The following ASTN2 variants were observed in gnomAD, a reference collection of about 807,000 sequenced individuals.
The protein encoded by ASTN2 is astrotactin-2.
A neutral mutation model predicts 139.8 loss-of-function variants in ASTN2; 54 were observed. The observed-to-expected ratio is 0.39, with a 90% CI of 0.31 to 0.48. The LOEUF is 0.48. ASTN2 is among the 20% of genes least tolerant of loss of function. The pLI is 0.95. For missense variants in ASTN2, 1,565 were observed against 1,725.1 expected (o/e 0.91, Z 1.64); for synonymous variants, 756 against 719.5 (o/e 1.05, Z -0.81).
intron 1 of ASTN2, among the ~76,000 whole-genome samples, chr9:117,399,592 C>G (rs1830769653): frequency 1.3e-5 from 2 of 152,280 alleles, no homozygotes; most frequent in Non-Finnish European, 2.9e-5. Context: ...TCATTCATGA[C>G]AGTGATACAA....
chr9:116,893,403 C>G (rs1833810764), intron 10 of ASTN2, among the ~76,000 whole-genome samples: 1 of 152,166 alleles, frequency 6.6e-6, no homozygotes. Context: ...TGATGGGAAG[C>G]TCAGCAGGAC....
Position 116,929,934 on chromosome 9 carries a change from C to G in ASTN2, c.1889+45274G>C, listed in dbSNP as rs763727758. On this transcript the variant is annotated intron_variant, in intron 10 of 22. Coordinates refer to ENST00000313400, the MANE Select transcript of ASTN2 (RefSeq NM_001365068.1). ...TGTTAATTATTGTCAGAGTTCCACA[C>G]GACACCTGCTAATGAGGCAGTCAAT... is the stretch of plus-strand genomic sequence containing the variant. Among the ~76,000 whole-genome samples the G allele has an allele frequency of 1.2e-4, 19 of 152,296 alleles. No homozygotes were observed. The East Asian group carries it at 2.3e-3, about 19-fold the overall frequency.
intron 3 of ASTN2, among the ~76,000 whole-genome samples, chr9:117,146,710 C>G (rs747743498): frequency 6.6e-6 from 1 of 151,858 alleles, no homozygotes; most frequent in Non-Finnish European, 1.5e-5. Flanking sequence ...GTATACCGCT[C>G]GGGCAATGAG....
intron 11 of ASTN2, among the ~76,000 whole-genome samples, chr9:116,834,119 A>G (rs1831910271): frequency 6.6e-6 from 1 of 152,174 alleles, no homozygotes; most frequent in Non-Finnish European, 1.5e-5. Flanking sequence ...TTGCTCTGTT[A>G]TTGCTTTCTT....
intron 1 of ASTN2, among the ~76,000 whole-genome samples, chr9:117,376,695 G>T (rs1368441519): frequency 6.6e-6 from 1 of 152,158 alleles, no homozygotes; most frequent in Non-Finnish European, 1.5e-5. Context: ...ACCAGGCTGT[G>T]TCACATTTCT....
Position 116,670,032 on chromosome 9 carries a change from T to C in ASTN2, c.2807-18239A>G, listed in dbSNP as rs149330025. Among the ~76,000 whole-genome samples, 855 of 152,310 alleles carry C rather than the reference T, an allele frequency of 5.6e-3. 11 individuals carry two copies. The highest frequency in any genetic ancestry group is 0.02 in the African/African-American group (818 of 41,586). On this transcript the variant is annotated intron_variant, in intron 16 of 22. Transcript: ENST00000313400. ...GTTGGCCAGGCTGCTCTCAAACTCC[T>C]GACCTCAGGTGATCCACCCGCCTTG...
chr9:116,976,122 C>G lies in ASTN2; in HGVS notation c.1743G>C (p.Lys581Asn). Residue 581 changes from lysine to asparagine, a missense_variant, in exon 9 of 23, where the codon AAG (lysine) becomes AAC (asparagine). This residue lies in a region of ASTN2 where 503 missense variants were observed against 591.7 expected (regional missense o/e 0.85). Coordinates refer to ENST00000313400, the MANE Select transcript of ASTN2 (RefSeq NM_001365068.1). Reference sequence around the variant, plus strand: ...CAAGAAAGCCAACTCACCTGAGAATCTTTTCAGGGGCTTGCTCCCCTGTCA... The same window carrying G: ...CAAGAAAGCCAACTCACCTGAGAATGTTTTCAGGGGCTTGCTCCCCTGTCA... ...DLVTGEQAPE[K>N]ILRSTFSLGQ... 2 of 1,614,150 alleles carry G rather than the reference C, an allele frequency of 1.2e-6. No homozygotes were observed. Among genetic ancestry groups the G allele is most frequent in the South Asian group, 2.2e-5 (2 of 91,080 alleles).
intron 1 of ASTN2, among the ~76,000 whole-genome samples, chr9:117,395,548 A>C (rs1488894612): frequency 6.6e-6 from 1 of 152,216 alleles, no homozygotes; most frequent in East Asian, 1.9e-4. Flanking sequence ...TGGGAAACCC[A>C]GTGGAGACAA....
intron 2 of ASTN2, among the ~76,000 whole-genome samples, chr9:117,270,737 T>C (rs1341819330): frequency 1.3e-5 from 2 of 152,206 alleles, no homozygotes; most frequent in African/African-American, 2.4e-5. Flanking sequence ...ACCTAATTGT[T>C]TTCAGGATAA....
intron 2 of ASTN2, among the ~76,000 whole-genome samples, chr9:117,261,092 A>G (rs1833812120): frequency 6.6e-6 from 1 of 152,196 alleles, no homozygotes; most frequent in South Asian, 2.1e-4. Context: ...ATGTTATTAG[A>G]ATAACACTAA....
At chr9:116,758,256 A>G (rs955816696) in intron 13 of ASTN2, among the ~76,000 whole-genome samples, 1 of 152,226 alleles carries the variant, frequency 6.6e-6, no homozygotes, top group Non-Finnish European at 1.5e-5. Context: ...GCTAGCAAAG[A>G]AAAAGGCCTC....
intron 4 of ASTN2, among the ~76,000 whole-genome samples, chr9:117,132,285 C>A (rs540682058): frequency 3.9e-5 from 6 of 152,224 alleles, no homozygotes; most frequent in Non-Finnish European, 7.3e-5. Flanking sequence ...CCACCCAGAC[C>A]AGAACTAACC....
intron 17 of ASTN2, among the ~76,000 whole-genome samples, chr9:116,636,686 A>G (rs55966826): frequency 0.12 from 17,814 of 152,104 alleles, 1,187 homozygotes; most frequent in Middle Eastern, 0.19. Context: ...AAAGAAAAAA[A>G]AAAGAAAGAA....
At chr9:116,676,579 T>C (rs1003040065) in intron 16 of ASTN2, among the ~76,000 whole-genome samples, 3 of 152,192 alleles carry the variant, frequency 2.0e-5, no homozygotes, top group Non-Finnish European at 4.4e-5. Flanking sequence ...TTCTTTTGGT[T>C]TGCACTATCC....
chr9:116,805,805 G>A lies in ASTN2; in HGVS notation c.2223C>T (p.Tyr741=), dbSNP rs1417084037. The change falls in exon 13 of 23, where the codon TAC becomes TAT. Residue 741 remains tyrosine, a synonymous_variant. Coordinates refer to ENST00000313400, the MANE Select transcript of ASTN2 (RefSeq NM_001365068.1). ...AGGATTTTCCATCAGGAGCCAGTTTGTACTCCTCCACGCAACTGTATGATA... is the reference window on the plus strand; with the variant it reads ...AGGATTTTCCATCAGGAGCCAGTTTATACTCCTCCACGCAACTGTATGATA... ...IFMFCGCVEE[Y]KLAPDGKSCL... is the part of the protein sequence containing the mutation. 1 of 1,613,792 alleles carries A rather than the reference G, an allele frequency of 6.2e-7. No individual in the cohort carries two copies. The highest frequency in any genetic ancestry group is 1.1e-5 in the South Asian group (1 of 91,040).
At chr9:117,134,289 TATATATACACACACACACAC>T (rs1443542489) in intron 4 of ASTN2, among the ~76,000 whole-genome samples, 10 of 81,420 alleles carry the variant, frequency 1.2e-4, no homozygotes, top group South Asian at 4.1e-4. Flanking sequence ...TATATATATA[TATATATACACACACACACAC>T]ACACACACAC....
At position 116,551,647 on chromosome 9, in the gene ASTN2, C is replaced by A. The variant is rs371943418; in HGVS notation, c.3356-64147G>T. On this transcript the variant is annotated intron_variant, in intron 19 of 22. Transcript: ENST00000313400. ...TAAACCCTCTGTGCCTATATCCGCT[C>A]TGCCCACTGTCTTTTCCTCCAGCAC... Among the ~76,000 whole-genome samples, 29 of 152,300 alleles carry A rather than the reference C, an allele frequency of 1.9e-4. 2 individuals carry two copies. The highest frequency in any genetic ancestry group is 6.5e-4 in the African/African-American group (27 of 41,564).
At chr9:116,585,436 G>A (rs548073377) in intron 19 of ASTN2, 6 of 152,196 alleles carry the variant, frequency 3.9e-5, no homozygotes, top group Non-Finnish European at 7.4e-5. Context: ...ACTGATTTCT[G>A]GAATGAGACC....
At chr9:116,974,467 C>T (rs373899643) in intron 10 of ASTN2, among the ~76,000 whole-genome samples, 3 of 148,996 alleles carry the variant, frequency 2.0e-5, no homozygotes, top group Admixed American at 1.3e-4. Context: ...ATGTAGTCTC[C>T]GTGGTTTTAT....
Sources: allele counts gnomAD v4.1 joint callset (sites outside exome capture counted in the v4.1 genomes callset), GRCh38; gene constraint gnomAD v4.1.1; regional missense constraint gnomAD v4.1.1; transcripts MANE v1.5; gene names NCBI Gene and HGNC (gene_info 2026-07-23, HGNC 2026-07-21).